The following SSBP3 variants were observed in gnomAD, a reference collection of about 807,000 sequenced individuals.
The protein encoded by SSBP3 is single stranded DNA binding protein 3, also known as single-stranded DNA-binding protein 3.
SSBP3 carries 5 observed loss-of-function variants against 69.6 expected under a neutral mutation model. That is an observed-to-expected ratio of 0.07 (90% confidence interval 0.04 to 0.15). SSBP3 has a LOEUF of 0.15. Ranked by LOEUF, SSBP3 falls within the 10% of genes least tolerant of loss-of-function variation. SSBP3 has a pLI of 1.00. For missense variants in SSBP3, 312 were observed against 534.0 expected, an observed-to-expected ratio of 0.58 and a Z score of 4.10; for synonymous variants, 196 against 193.4, an observed-to-expected ratio of 1.01 and a Z score of -0.11.
At chr1:54,262,794 C>A (rs1003025087) in intron 5 of SSBP3, among the ~76,000 whole-genome samples, 2 of 152,202 alleles carry the variant, frequency 1.3e-5, no homozygotes, top group Non-Finnish European at 2.9e-5. Flanking sequence ...CACTGCACTG[C>A]CTCTGCAGGG....
intron 6 of SSBP3, among the ~76,000 whole-genome samples, chr1:54,257,722 G>C (rs1644947024): frequency 6.6e-6 from 1 of 152,118 alleles, no homozygotes; most frequent in Admixed American, 6.5e-5. Context: ...AGCAGCACGA[G>C]TGCACAAAGA....
intron 14 of SSBP3, among the ~76,000 whole-genome samples, chr1:54,229,247 G>T (rs1644340915): frequency 6.6e-6 from 1 of 152,254 alleles, no homozygotes; most frequent in Non-Finnish European, 1.5e-5. Context: ...CACTTCACAG[G>T]TGAGGAAACA....
At chr1:54,268,605 A>G (rs1645141806) in intron 5 of SSBP3, among the ~76,000 whole-genome samples, 1 of 152,246 alleles carries the variant, frequency 6.6e-6, no homozygotes, top group Admixed American at 6.5e-5. Flanking sequence ...GAGGGCTAAG[A>G]ACGGAACAGC....
chr1:54,410,791 A>G (rs541439399), upstream of SSBP3, among the ~76,000 whole-genome samples: 1 of 152,322 alleles, frequency 6.6e-6, no homozygotes, highest in East Asian at 1.9e-4. Flanking sequence ...CTGGGAGGAC[A>G]AAGAGAGGTA....
intron 4 of SSBP3, among the ~76,000 whole-genome samples, chr1:54,315,420 T>C (rs1384865066): frequency 6.6e-6 from 1 of 152,160 alleles, no homozygotes; most frequent in Non-Finnish European, 1.5e-5. Context: ...ACACAGCAGA[T>C]GGACTTGGTG....
rs1644951140 is a variant in SSBP3 at position 54,257,936 on chromosome 1, A to G, written c.447+133T>C. 9.6e-6 allele frequency: 8 copies of G among 832,772 alleles called. 1 individual carries two copies. The Middle Eastern group carries it at 1.1e-3, about 119-fold the overall frequency. 51.6% of individuals were successfully genotyped at this position (832,772 alleles called of 1,614,324 possible). ...TCTTTAGAAAAAAGAAATTTCTAAA[A>G]AAATTTAATTTGTCAATAAAGACTC... On this transcript the variant is annotated intron_variant, in intron 6 of 17. Coordinates refer to ENST00000610401, the Ensembl canonical transcript of SSBP3.
intron 4 of SSBP3, among the ~76,000 whole-genome samples, chr1:54,315,506 G>A (rs1361573494): frequency 1.3e-5 from 2 of 150,830 alleles, no homozygotes; most frequent in South Asian, 4.2e-4. Flanking sequence ...ATTCTTCAAT[G>A]TTTAATAACT....
Position 54,339,756 on chromosome 1 carries a change from T to C in SSBP3, c.277-58229A>G, listed in dbSNP as rs561253645. 2.6e-5 allele frequency among the ~76,000 whole-genome samples: 4 copies of C among 151,864 alleles called. No individual in the cohort carries two copies. In the East Asian group the frequency reaches 5.8e-4, roughly 22 times the overall value. ...GGCGAAACCCCATCTCTACTAAAAA[T>C]ACAAAAATTAGCCGGGCATGTTGGC... On this transcript the variant is annotated intron_variant, in intron 4 of 17. Transcript: ENST00000610401.
intron 4 of SSBP3, among the ~76,000 whole-genome samples, chr1:54,381,165 A>G (rs1010361324): frequency 6.6e-6 from 1 of 152,082 alleles, no homozygotes; most frequent in Non-Finnish European, 1.5e-5. Context: ...CTGGTGGATC[A>G]TGAGGTCAGG....
chr1:54,343,894 C>T (rs1488746241), intron 4 of SSBP3, among the ~76,000 whole-genome samples: 1 of 152,170 alleles, frequency 6.6e-6, no homozygotes, highest in African/African-American at 2.4e-5. Flanking sequence ...GAGCCACTAG[C>T]AGGGAAGTGT....
chr1:54,404,693 G>A (rs878955935), intron 2 of SSBP3, 56 bp from the exon 3 acceptor site: 5 of 1,595,384 alleles, frequency 3.1e-6, no homozygotes, highest in Non-Finnish European at 4.3e-6. Context: ...TGGGCTGGGG[G>A]CTTCCCAGAG....
At chr1:54,240,045 GGGGTGTGTGTGTGTGTGTGTGTGT>G (rs1292915027) in intron 13 of SSBP3, among the ~76,000 whole-genome samples, 13 of 65,424 alleles carry the variant, frequency 2.0e-4, no homozygotes, top group Non-Finnish European at 3.1e-4. Flanking sequence ...TAATTGTGAT[GGGGTGTGTGTGTGTGTGTGTGTGT>G]GTGTGTGTGT....
At chr1:54,408,459 C>G (rs1046510783), upstream of SSBP3, among the ~76,000 whole-genome samples, 2 of 152,172 alleles carry the variant, frequency 1.3e-5, no homozygotes, top group African/African-American at 2.4e-5. Flanking sequence ...GACTGACTCA[C>G]AAGAAGCCTG....
intron 4 of SSBP3, among the ~76,000 whole-genome samples, chr1:54,344,570 C>A (rs1646658453): frequency 6.6e-6 from 1 of 152,196 alleles, no homozygotes; most frequent in South Asian, 2.1e-4. Context: ...GCTGGGGCAG[C>A]TAATCCCATC....
chr1:54,327,526 G>A (rs1377523199), intron 4 of SSBP3, among the ~76,000 whole-genome samples: 2 of 152,078 alleles, frequency 1.3e-5, no homozygotes, highest in Non-Finnish European at 2.9e-5. Flanking sequence ...GTCAAATGTA[G>A]CCGTTAACAT....
intron 4 of SSBP3, among the ~76,000 whole-genome samples, chr1:54,294,637 G>T (rs1393135686): frequency 1.3e-5 from 2 of 152,190 alleles, no homozygotes; most frequent in African/African-American, 2.4e-5. Flanking sequence ...GCAGGAAGGG[G>T]TTCAAGTGGC....
chr1:54,370,948 G>A (rs1383072889), intron 4 of SSBP3, among the ~76,000 whole-genome samples: 3 of 151,896 alleles, frequency 2.0e-5, no homozygotes, highest in African/African-American at 7.3e-5. Context: ...GCACTGTGCC[G>A]TAAGCACACA....
At chr1:54,244,261 G>A (rs1184632911) in intron 9 of SSBP3, among the ~76,000 whole-genome samples, 1 of 152,164 alleles carries the variant, frequency 6.6e-6, no homozygotes, top group Non-Finnish European at 1.5e-5. Context: ...CCACGACCAT[G>A]TCGGGCTGAT....
At chr1:54,343,204 T>C (rs928154102) in intron 4 of SSBP3, among the ~76,000 whole-genome samples, 1 of 152,208 alleles carries the variant, frequency 6.6e-6, no homozygotes, top group African/African-American at 2.4e-5. Context: ...CATTTATGTA[T>C]TGAACACGTG....
Sources: gnomAD v4.1 joint callset for allele counts (sites outside exome capture counted in the v4.1 genomes callset) on GRCh38, gnomAD v4.1.1 for gene constraint, MANE v1.5 for transcripts, NCBI Gene and HGNC (gene_info 2026-07-23, HGNC 2026-07-21) for gene names.